The following EIPR1 variants were observed in gnomAD, a reference collection of about 807,000 sequenced individuals.
The protein encoded by EIPR1 is EARP complex and GARP complex interacting protein 1.
EIPR1 carries 25 observed loss-of-function variants against 48.1 expected under a neutral mutation model. The ratio of observed to expected loss-of-function variants is 0.52; its 90% confidence interval spans 0.38 to 0.73. EIPR1 has a LOEUF of 0.73. Among genes scored for constraint, EIPR1 ranks in the 30% least tolerant of loss-of-function variants. The probability of loss-of-function intolerance (pLI) is 0.00; values close to 1 mark genes in which losing one functional copy is unlikely to be tolerated. For missense variants in EIPR1, 415 were observed against 506.2 expected, an observed-to-expected ratio of 0.82 and a Z score of 1.73; for synonymous variants, 204 against 201.9, an observed-to-expected ratio of 1.01 and a Z score of -0.09.
At chr2:3,323,111 TA>T (rs34895837) in intron 3 of EIPR1, among the ~76,000 whole-genome samples, 27,081 of 149,246 alleles carry the variant, frequency 0.18, 2,503 homozygotes, top group Non-Finnish European at 0.21. Context: ...ATTTTTTCTT[TA>T]AAAAAAAAAA....
At chr2:3,209,303 T>C (rs1665357609) in intron 5 of EIPR1, among the ~76,000 whole-genome samples, 1 of 152,144 alleles carries the variant, frequency 6.6e-6, no homozygotes, top group Non-Finnish European at 1.5e-5. Context: ...AAGAGCCCAC[T>C]GAAAGCCACA....
At chr2:3,236,024 G>A (rs753034218) in intron 4 of EIPR1, among the ~76,000 whole-genome samples, 14 of 151,986 alleles carry the variant, frequency 9.2e-5, no homozygotes, top group Non-Finnish European at 1.3e-4. Flanking sequence ...ATCAACACCC[G>A]GGCACTCCTG....
At chr2:3,295,411 CCATCCAG>C (rs1398376650) in intron 3 of EIPR1, among the ~76,000 whole-genome samples, 1 of 141,186 alleles carries the variant, frequency 7.1e-6, no homozygotes, top group South Asian at 2.4e-4. Context: ...CACACACCCT[CCATCCAG>C]CCCATCCTCT....
At chr2:3,237,718 G>A (rs1470262070) in intron 4 of EIPR1, among the ~76,000 whole-genome samples, 2 of 152,208 alleles carry the variant, frequency 1.3e-5, no homozygotes, top group Non-Finnish European at 2.9e-5. Context: ...GTCTGCAGCA[G>A]CCTGGAAGGA....
At chr2:3,194,904 C>T (rs752802347) in intron 6 of EIPR1, among the ~76,000 whole-genome samples, 45 of 152,200 alleles carry the variant, frequency 3.0e-4, no homozygotes, top group Non-Finnish European at 5.7e-4. Context: ...CCACTCGCTC[C>T]AGGGTGGGAG....
chr2:3,231,084 T>G (rs1041197325), intron 4 of EIPR1, among the ~76,000 whole-genome samples: 7 of 152,240 alleles, frequency 4.6e-5, no homozygotes, highest in Admixed American at 2.0e-4. Context: ...AAGTTACTCC[T>G]AAGAAATTTA....
intron 3 of EIPR1, among the ~76,000 whole-genome samples, chr2:3,266,217 A>G (rs1176208199): frequency 1.3e-5 from 2 of 152,234 alleles, no homozygotes; most frequent in Non-Finnish European, 2.9e-5. Flanking sequence ...CCTGGGGGAC[A>G]TAATCTGATC....
At chr2:3,213,250 C>T (rs4854141) in intron 5 of EIPR1, among the ~76,000 whole-genome samples, 138,727 of 151,988 alleles carry the variant, frequency 0.91, 63,667 homozygotes, top group East Asian at 0.98. Flanking sequence ...TCTTCCACTT[C>T]CTCTTTTCTA....
intron 3 of EIPR1, among the ~76,000 whole-genome samples, chr2:3,260,564 GAAAGAAAACA>G (rs1420742841): frequency 8.6e-5 from 13 of 151,354 alleles, no homozygotes; most frequent in African/African-American, 2.7e-4. Flanking sequence ...AGAAAGGAAA[GAAAGAAAACA>G]AAAGAAAAGA....
chr2:3,348,816 G>A (rs548582317), intron 2 of EIPR1, among the ~76,000 whole-genome samples: 1 of 152,374 alleles, frequency 6.6e-6, no homozygotes, highest in African/African-American at 2.4e-5. Flanking sequence ...GAGAGCTGGA[G>A]CTCCAGAGTG....
intron 5 of EIPR1, among the ~76,000 whole-genome samples, chr2:3,203,696 C>T (rs1490683205): frequency 6.6e-6 from 1 of 152,264 alleles, no homozygotes; most frequent in Non-Finnish European, 1.5e-5. Context: ...GTCCCTGCCC[C>T]AGAGCGGCTG....
At position 3,286,938 on chromosome 2, in the gene EIPR1, G is replaced by A. The variant is rs1668204028; in HGVS notation, c.260-29483C>T. Among the ~76,000 whole-genome samples the A allele has an allele frequency of 6.7e-6, 1 of 149,002 alleles. No individual in the cohort carries two copies. The highest frequency in any genetic ancestry group is 1.5e-5 in the Non-Finnish European group (1 of 67,454). ...GTGCCAGCCGGCAGAGGGGGCGGTG[G>A]GGAGCACACAGAGTGCCAGCCGGCA... On this transcript the variant is annotated intron_variant, in intron 3 of 8. Transcript: ENST00000382125. The surrounding 1 kb of genome is among the most constrained non-coding windows in gnomAD (Gnocchi z 4.2).
chr2:3,261,762 T>C (rs1667341551), intron 3 of EIPR1: 1 of 152,094 alleles, frequency 6.6e-6, no homozygotes, highest in South Asian at 2.1e-4. Context: ...AACTCCAAGG[T>C]CTGTTAAGGT....
intron 3 of EIPR1, among the ~76,000 whole-genome samples, chr2:3,325,088 G>A (rs958138329): frequency 6.6e-6 from 1 of 152,216 alleles, no homozygotes; most frequent in Non-Finnish European, 1.5e-5. Context: ...ACCTGCTAGA[G>A]CACTGCCCCT....
intron 3 of EIPR1, among the ~76,000 whole-genome samples, chr2:3,260,602 G>C (rs959004684): frequency 6.6e-6 from 1 of 152,056 alleles, no homozygotes; most frequent in Non-Finnish European, 1.5e-5. Context: ...GACTGGGGGA[G>C]ATATTTATAA....
rs140707322 is a variant in EIPR1 at position 3,287,496 on chromosome 2, G to A, written c.260-30041C>T. Among the ~76,000 whole-genome samples the A allele has an allele frequency of 3.3e-3, 489 of 148,036 alleles. 2 individuals are homozygous for A. The highest frequency in any genetic ancestry group is 5.2e-3 in the Non-Finnish European group (351 of 67,320). On this transcript the variant is annotated intron_variant, in intron 3 of 8. Transcript: ENST00000382125. ...TCGTTCACCACACTCCAGAAAGTTC[G>A]TTCACCACACTCCAGAAAGTTTGTT...
intron 4 of EIPR1, among the ~76,000 whole-genome samples, chr2:3,254,358 T>G (rs980292990): frequency 6.6e-6 from 1 of 152,142 alleles, no homozygotes; most frequent in African/African-American, 2.4e-5. Context: ...TTCCTGTTCA[T>G]ACAAAAACCT....
At chr2:3,225,465 C>T (rs1666034284) in intron 4 of EIPR1, among the ~76,000 whole-genome samples, 1 of 152,098 alleles carries the variant, frequency 6.6e-6, no homozygotes, top group Admixed American at 6.5e-5. Context: ...AGGCTAGTCT[C>T]GAACTCCTGG....
At chr2:3,296,458 C>CTG in intron 3 of EIPR1, among the ~76,000 whole-genome samples, 1 of 113,464 alleles carries the variant, frequency 8.8e-6, no homozygotes, top group Non-Finnish European at 1.8e-5. Context: ...CATCCTCTCT[C>CTG]CACACACACA....
Sources: allele counts gnomAD v4.1 joint callset (sites outside exome capture counted in the v4.1 genomes callset), GRCh38; gene constraint gnomAD v4.1.1; non-coding constraint Gnocchi (gnomAD v3.1); transcripts MANE v1.5; gene names NCBI Gene and HGNC (gene_info 2026-07-23, HGNC 2026-07-21).